Variants in ELMO2 observed in about 807,000 individuals in gnomAD.
ELMO2 encodes the protein engulfment and cell motility protein 2.
Under a neutral mutation model 96.2 loss-of-function variants are expected in ELMO2, and 37 were observed. That is an observed-to-expected ratio of 0.38 (90% CI 0.30 to 0.51). The LOEUF is 0.51. Among genes scored for constraint, ELMO2 ranks in the 20% least tolerant of loss-of-function variants. The probability of loss-of-function intolerance (pLI) is 0.88; values close to 1 mark genes in which losing one functional copy is unlikely to be tolerated. For missense variants in ELMO2, 561 were observed against 912.6 expected (o/e 0.61, Z 4.96); for synonymous variants, 315 against 329.4 (o/e 0.96, Z 0.47).
At chr20:46,386,485 CTTAA>C (rs1392609025) in intron 8 of ELMO2, among the ~76,000 whole-genome samples, 6 of 152,194 alleles carry the variant, frequency 3.9e-5, no homozygotes, top group African/African-American at 1.4e-4. Context: ...ATAGTATCCA[CTTAA>C]TTGTGTTTCC....
chr20:46,368,907 G>A lies in ELMO2; in HGVS notation c.1946C>T (p.Ala649Val). 6.2e-7 allele frequency: 1 copy of A among 1,614,210 alleles called. No individual in the cohort carries two copies. Among genetic ancestry groups the A allele is most frequent in the East Asian group, 2.2e-5 (1 of 44,896 alleles). ...ACTGCTCACCTCATATTTATTAGGT[G>A]CGATGAAGTTTAAGGTCTCATCAGG... ...YDPDETLNFI[A>V]PNKYEYCIWI... Residue 649 changes from alanine to valine, a missense_variant, in exon 21 of 22, where the codon GCA becomes GTA. Transcript: ENST00000290246.
At chr20:46,402,565 G>A (rs2060353667) in intron 1 of ELMO2, among the ~76,000 whole-genome samples, 1 of 152,242 alleles carries the variant, frequency 6.6e-6, no homozygotes, top group Non-Finnish European at 1.5e-5. Flanking sequence ...CAAGGAGATG[G>A]AGCTTGGGTA....
At chr20:46,386,621 CT>C (rs949230264) in intron 8 of ELMO2, among the ~76,000 whole-genome samples, 15 of 152,224 alleles carry the variant, frequency 9.9e-5, no homozygotes, top group African/African-American at 3.4e-4. Flanking sequence ...TGTACCTCCC[CT>C]GACACACACT....
intron 2 of ELMO2, among the ~76,000 whole-genome samples, chr20:46,398,235 A>G (rs1190302201): frequency 2.0e-5 from 3 of 152,202 alleles, no homozygotes; most frequent in Non-Finnish European, 4.4e-5. Context: ...ATTTGTTTGA[A>G]ACAGATCGGT....
chr20:46,368,596 A>C (rs2145749902), intron 21 of ELMO2, among the ~76,000 whole-genome samples: 2 of 152,318 alleles, frequency 1.3e-5, no homozygotes, highest in Middle Eastern at 6.8e-3. Context: ...CTCACAGATA[A>C]ACAATCCAGA....
At chr20:46,398,926 A>G (rs1018435770) in intron 1 of ELMO2, among the ~76,000 whole-genome samples, 155 bp from the exon 2 acceptor site, 9 of 152,250 alleles carry the variant, frequency 5.9e-5, no homozygotes, top group African/African-American at 1.9e-4. Context: ...TGATGACATT[A>G]GCTAGCAATT....
intron 6 of ELMO2, among the ~76,000 whole-genome samples, chr20:46,390,152 C>CA (rs997290852): frequency 3.3e-5 from 5 of 151,164 alleles, no homozygotes; most frequent in Admixed American, 1.3e-4. Context: ...GACTCCATCT[C>CA]AAAAAAAATA....
intron 11 of ELMO2, chr20:46,376,780 A>G (rs1403508451): frequency 3.1e-6 from 4 of 1,289,080 alleles, no homozygotes; most frequent in East Asian, 5.5e-5. Flanking sequence ...TACCACCACT[A>G]TGTCCTTCAA....
intron 5 of ELMO2, 146 bp from the exon 6 acceptor site, chr20:46,393,289 C>T: frequency 1.0e-6 from 1 of 960,958 alleles, no homozygotes. Context: ...CTGCTTATTC[C>T]TTGGCAAAGA....
intron 1 of ELMO2, among the ~76,000 whole-genome samples, chr20:46,400,374 C>A (rs192520576): frequency 2.6e-5 from 4 of 152,224 alleles, no homozygotes; most frequent in South Asian, 2.1e-4. Flanking sequence ...CCTTCCAGCA[C>A]GTGTTTGCTT....
intron 1 of ELMO2, among the ~76,000 whole-genome samples, chr20:46,400,723 T>G (rs1193036140): frequency 6.6e-6 from 1 of 152,204 alleles, no homozygotes; most frequent in African/African-American, 2.4e-5. Flanking sequence ...GAAAGGCCAG[T>G]TTTTCAAACA....
rs754408925 is a variant in ELMO2, at chr20:46,389,165, C to T, written c.299G>A (p.Arg100Gln). The change falls in exon 7 of 22, where the codon CGG (arginine) becomes CAG (glutamine). Residue 100 changes from arginine (R) to glutamine (Q), a missense_variant. Coordinates refer to ENST00000290246, the MANE Select transcript of ELMO2 (RefSeq NM_133171.5). ...GGCCAGCTCCTTCATGGCATCCAGC[C>T]GGGTCTCCATGTTGGATGACTGGGT... ...ERTQSSNMET[R>Q]LDAMKELAKL... The T allele has an allele frequency of 8.7e-6, 14 of 1,614,032 alleles. No homozygotes were observed. The highest frequency in any genetic ancestry group is 1.7e-5 in the Admixed American group (1 of 60,012).
intron 6 of ELMO2, among the ~76,000 whole-genome samples, chr20:46,390,522 A>G (rs1600868581): frequency 1.3e-5 from 2 of 152,344 alleles, no homozygotes; most frequent in Admixed American, 6.5e-5. Context: ...CTCCTAGCAC[A>G]TGAACTTTTC....
rs141567320 is a variant in ELMO2 at position 46,381,087 on chromosome 20, T to TA, written c.757-785_757-784insT. ...TGAAGTGACTACAGTGATAATTTAATCACTGCTAAGGAGTCGGCTTCATCA... is the reference window on the plus strand; with the variant it reads ...TGAAGTGACTACAGTGATAATTTAATACACTGCTAAGGAGTCGGCTTCATCA... On this transcript the variant is annotated intron_variant, in intron 10 of 21. Transcript: ENST00000290246. 1.5e-3 allele frequency among the ~76,000 whole-genome samples: 232 copies of TA among 152,332 alleles called. 3 individuals carry two copies. Among genetic ancestry groups the TA allele is most frequent in the African/African-American group, 4.7e-3 (196 of 41,578 alleles).
Position 46,367,257 on chromosome 20 carries a change from C to G in ELMO2, c.*103G>C, listed in dbSNP as rs2059601180. ...GCTGGCATTTACTGGCCACCAAAATCACTACAGATTCTGTACAAGCAAAAG... is the reference window on the plus strand; with the variant it reads ...GCTGGCATTTACTGGCCACCAAAATGACTACAGATTCTGTACAAGCAAAAG... On this transcript the variant is annotated 3_prime_UTR_variant, in exon 22 of 22. Coordinates refer to ENST00000290246, the MANE Select transcript of ELMO2 (RefSeq NM_133171.5). 1 of 1,171,218 alleles carries G rather than the reference C, an allele frequency of 8.5e-7. No homozygotes were observed. The highest frequency in any genetic ancestry group is 1.1e-6 in the Non-Finnish European group (1 of 877,976). 72.6% of individuals were successfully genotyped at this position (1,171,218 alleles called of 1,614,324 possible). A position where few individuals can be genotyped will look rare whatever the true frequency, so the allele number is the denominator to read the frequency against.
rs947282272 is a variant in ELMO2 at position 46,366,227 on chromosome 20, C to T, written c.*1133G>A. ...GGTAGATCTTATATAAATATATATACACGTCTGTATAAGTATGGCCTATAG... is the reference window on the plus strand; with the variant it reads ...GGTAGATCTTATATAAATATATATATACGTCTGTATAAGTATGGCCTATAG... On this transcript the variant is annotated 3_prime_UTR_variant, in exon 22 of 22. Transcript: ENST00000290246. 6.6e-6 allele frequency: 1 copy of T among 152,608 alleles called. No homozygotes were observed. Among genetic ancestry groups the T allele is most frequent in the African/African-American group, 2.4e-5 (1 of 41,430 alleles). The allele number at this position is 152,608 out of a possible 1,614,324, so 9.5% of individuals were successfully genotyped here. A position where few individuals can be genotyped will look rare whatever the true frequency, so the allele number is the denominator to read the frequency against.
chr20:46,401,306 G>A (rs1286214098), intron 1 of ELMO2, among the ~76,000 whole-genome samples: 3 of 152,158 alleles, frequency 2.0e-5, no homozygotes, highest in Non-Finnish European at 2.9e-5. Flanking sequence ...AGAGATTAAG[G>A]TTCTTATGTT....
intron 20 of ELMO2, chr20:46,369,613 T>G (rs2059654705): frequency 6.5e-6 from 1 of 153,502 alleles, no homozygotes; most frequent in South Asian, 2.0e-4. Context: ...GCTTCAACAG[T>G]CTGCTAATTA....
chr20:46,372,557 G>A (rs2059744576), intron 16 of ELMO2, among the ~76,000 whole-genome samples: 1 of 152,188 alleles, frequency 6.6e-6, no homozygotes, highest in African/African-American at 2.4e-5. Context: ...CTTCAACCTC[G>A]GAGGTGGAGG....
Sources: gnomAD v4.1 joint callset for allele counts (sites outside exome capture counted in the v4.1 genomes callset) on GRCh38, gnomAD v4.1.1 for gene constraint, MANE v1.5 for transcripts, NCBI Gene and HGNC (gene_info 2026-07-23, HGNC 2026-07-21) for gene names.